The following NECAB1 variants were observed in gnomAD, a reference collection of about 807,000 sequenced individuals.
The protein encoded by NECAB1 is N-terminal EF-hand calcium binding protein 1.
A neutral mutation model predicts 57.5 loss-of-function variants in NECAB1; 29 were observed. The ratio of observed to expected loss-of-function variants is 0.50; its 90% CI spans 0.38 to 0.69. The LOEUF (loss-of-function observed/expected upper bound fraction) is 0.69, where lower values mean the gene tolerates loss of function less well. Among genes scored for constraint, NECAB1 ranks in the 30% least tolerant of loss-of-function variants. The pLI, the probability that NECAB1 is intolerant of heterozygous loss-of-function variation, is 0.00. For missense variants in NECAB1, 372 were observed against 413.8 expected, an observed-to-expected ratio of 0.90 and a Z score of 0.88; for synonymous variants, 142 against 147.7, an observed-to-expected ratio of 0.96 and a Z score of 0.28.
intron 3 of NECAB1, among the ~76,000 whole-genome samples, chr8:90,842,488 G>C (rs978866239): frequency 2.0e-5 from 3 of 152,118 alleles, no homozygotes; most frequent in Non-Finnish European, 4.4e-5. Flanking sequence ...TCATCAGCAG[G>C]CTTTCAAGGA....
intron 5 of NECAB1, among the ~76,000 whole-genome samples, chr8:90,908,399 A>T (rs1380543410): frequency 6.6e-6 from 1 of 152,148 alleles, no homozygotes; most frequent in Non-Finnish European, 1.5e-5. Context: ...TCATACTTAA[A>T]AACGTAACAT....
chr8:90,797,169 G>A (rs1343060939), intron 1 of NECAB1, among the ~76,000 whole-genome samples: 1 of 152,104 alleles, frequency 6.6e-6, no homozygotes, highest in Non-Finnish European at 1.5e-5. Context: ...TAACTCTGGA[G>A]GAAAAATAAT....
chr8:90,919,342 T>C (rs73298042), intron 6 of NECAB1, among the ~76,000 whole-genome samples: 15,203 of 152,236 alleles, frequency 0.1, 2,096 homozygotes, highest in African/African-American at 0.31. Context: ...GTAAGTTTTC[T>C]GAACAGGCTG....
chr8:90,932,864 A>G (rs1810443955), intron 8 of NECAB1, among the ~76,000 whole-genome samples: 1 of 152,208 alleles, frequency 6.6e-6, no homozygotes. Flanking sequence ...ATGAAGCACT[A>G]GGTTTCACTG....
intron 7 of NECAB1, among the ~76,000 whole-genome samples, chr8:90,926,046 CT>C (rs1810260423): frequency 6.6e-6 from 1 of 152,158 alleles, no homozygotes; most frequent in Non-Finnish European, 1.5e-5. Context: ...GGAAAGGATC[CT>C]TGTTTTCATA....
intron 2 of NECAB1, among the ~76,000 whole-genome samples, chr8:90,823,189 C>T (rs1179330570): frequency 1.3e-5 from 2 of 151,628 alleles, no homozygotes; most frequent in Non-Finnish European, 3.0e-5. Context: ...CCCAGGAGGA[C>T]CCAGAAGATC....
At chr8:90,821,095 G>A (rs1423326666) in intron 2 of NECAB1, among the ~76,000 whole-genome samples, 1 of 151,698 alleles carries the variant, frequency 6.6e-6, no homozygotes, top group Non-Finnish European at 1.5e-5. Flanking sequence ...ACTTGGTATT[G>A]GTAACTCCCA....
chr8:90,835,376 AAG>A (rs1374773281), intron 3 of NECAB1, among the ~76,000 whole-genome samples: 4 of 152,152 alleles, frequency 2.6e-5, no homozygotes, highest in Non-Finnish European at 1.5e-5. Flanking sequence ...GCTATGCAGA[AAG>A]AACTCAGACT....
intron 1 of NECAB1, among the ~76,000 whole-genome samples, chr8:90,796,712 C>G (rs199739648): frequency 7.9e-5 from 12 of 152,242 alleles, no homozygotes; most frequent in Admixed American, 7.2e-4. Flanking sequence ...ACCTTAAGAT[C>G]GGCTGACACA....
intron 4 of NECAB1, among the ~76,000 whole-genome samples, chr8:90,872,781 G>A (rs1455411208): frequency 3.3e-5 from 5 of 152,028 alleles, no homozygotes; most frequent in Admixed American, 2.0e-4. Flanking sequence ...ATTTGAAAGA[G>A]CTATCTTTCT....
At chr8:90,954,498 C>T (rs80202111) in intron 12 of NECAB1, among the ~76,000 whole-genome samples, 16,439 of 151,670 alleles carry the variant, frequency 0.11, 1,051 homozygotes, top group African/African-American at 0.18. Flanking sequence ...TATGGGAAAA[C>T]AGGATACAAA....
chr8:90,906,892 T>C (rs1315848070), intron 5 of NECAB1, among the ~76,000 whole-genome samples: 1 of 131,398 alleles, frequency 7.6e-6, no homozygotes, highest in African/African-American at 3.0e-5. Flanking sequence ...TATATATATA[T>C]ATATATATAT....
intron 4 of NECAB1, among the ~76,000 whole-genome samples, chr8:90,873,116 A>C (rs1358488477): frequency 6.6e-6 from 1 of 152,226 alleles, no homozygotes; most frequent in Non-Finnish European, 1.5e-5. Context: ...TCAAGGCAAT[A>C]ACTGAACAAA....
At chr8:90,920,935 G>A (rs1352437469) in intron 6 of NECAB1, among the ~76,000 whole-genome samples, 1 of 152,230 alleles carries the variant, frequency 6.6e-6, no homozygotes, top group African/African-American at 2.4e-5. Flanking sequence ...CCAGAACACT[G>A]AGGAGACCAA....
rs373429364 is a variant in NECAB1, at chr8:90,850,243, TAAATG to T, written c.234-21878_234-21874del. ...TGTTTAATTTTAAGGCCCATTTTCA[TAAATG>T]AAATGATTTAACACGACTGATGAAG... On this transcript the variant is annotated intron_variant, in intron 3 of 12. Transcript: ENST00000417640. Among the ~76,000 whole-genome samples, 8 of 152,332 alleles carry T rather than the reference TAAATG, an allele frequency of 5.3e-5. 1 individual carries two copies. The highest frequency in any genetic ancestry group is 1.7e-4 in the African/African-American group (7 of 41,560).
intron 9 of NECAB1, among the ~76,000 whole-genome samples, chr8:90,939,901 A>C (rs906747237): frequency 1.1e-4 from 17 of 152,196 alleles, no homozygotes; most frequent in African/African-American, 4.1e-4. Flanking sequence ...TTACTGTGGA[A>C]GTTATTTTTC....
chr8:90,896,782 C>T (rs1809354442), intron 5 of NECAB1, among the ~76,000 whole-genome samples: 1 of 152,180 alleles, frequency 6.6e-6, no homozygotes, highest in Non-Finnish European at 1.5e-5. Context: ...ATTCCGATTA[C>T]CTACTCCACT....
rs912450608 is a variant in NECAB1 at position 90,917,753 on chromosome 8, A to C, written c.494+125A>C. ...AGAATTGATATATTTAAAAAGAATG[A>C]CAGTGACCTCCACTGGTTGCTTGCC... On this transcript the variant is annotated intron_variant, in intron 6 of 12. Transcript: ENST00000417640. The C allele has an allele frequency of 5.7e-6, 5 of 878,736 alleles. No homozygotes were observed. The African/African-American group carries it at 8.7e-5, about 15-fold the overall frequency. The allele number at this position is 878,736 out of a possible 1,614,324, so 54.4% of individuals were successfully genotyped here.
chr8:90,869,762 G>A (rs895604610), intron 3 of NECAB1, among the ~76,000 whole-genome samples: 1 of 152,180 alleles, frequency 6.6e-6, no homozygotes, highest in African/African-American at 2.4e-5. Flanking sequence ...TCTCAGATGA[G>A]ACTTTGGACT....
Sources: gnomAD v4.1 joint callset for allele counts (sites outside exome capture counted in the v4.1 genomes callset) on GRCh38, gnomAD v4.1.1 for gene constraint, MANE v1.5 for transcripts, NCBI Gene and HGNC (gene_info 2026-07-23, HGNC 2026-07-21) for gene names.